Variants in PTPRT observed in about 807,000 individuals in gnomAD.
PTPRT encodes receptor-type tyrosine-protein phosphatase T.
In PTPRT, 56 loss-of-function variants were observed where a neutral mutation model predicts 176.8. That is an observed-to-expected ratio of 0.32 (90% CI 0.26 to 0.40). The LOEUF (loss-of-function observed/expected upper bound fraction) is 0.40, where lower values mean the gene tolerates loss of function less well. Among genes scored for constraint, PTPRT ranks in the 10% least tolerant of loss-of-function variants. The pLI, the probability that PTPRT is intolerant of heterozygous loss-of-function variation, is 1.00. For missense variants in PTPRT, 1,540 were observed against 1,908.2 expected (o/e 0.81, Z 3.60); for synonymous variants, 783 against 739.0 (o/e 1.06, Z -0.96).
chr20:42,243,828 A>G (rs2056401374), intron 14 of PTPRT, among the ~76,000 whole-genome samples: 1 of 152,242 alleles, frequency 6.6e-6, no homozygotes, highest in Non-Finnish European at 1.5e-5. Flanking sequence ...TCTTCTTTTC[A>G]AACAAGCAAC....
At chr20:42,267,425 A>T (rs2056857544) in intron 13 of PTPRT, among the ~76,000 whole-genome samples, 1 of 152,248 alleles carries the variant, frequency 6.6e-6, no homozygotes, top group Non-Finnish European at 1.5e-5. Context: ...TGAGTTAGAT[A>T]CATTATATTA....
At chr20:42,758,894 G>A (rs77958459) in intron 5 of PTPRT, among the ~76,000 whole-genome samples, 89 of 152,302 alleles carry the variant, frequency 5.8e-4, no homozygotes, top group African/African-American at 1.9e-3. Context: ...TCACTTGGGC[G>A]GAAACTGCCA....
chr20:42,858,180 A>G (rs547287901), intron 2 of PTPRT, among the ~76,000 whole-genome samples: 45 of 152,226 alleles, frequency 3.0e-4, no homozygotes, highest in Non-Finnish European at 5.6e-4. Flanking sequence ...CCATGGTAAC[A>G]CTTGTTAAAA....
chr20:42,939,547 C>G (rs1421577956), intron 1 of PTPRT, among the ~76,000 whole-genome samples: 1 of 152,166 alleles, frequency 6.6e-6, no homozygotes, highest in African/African-American at 2.4e-5. Context: ...TGTTGAGACA[C>G]TGTTTTTTCG....
At chr20:42,469,025 G>A (rs771489777) in intron 8 of PTPRT, among the ~76,000 whole-genome samples, 6 of 152,016 alleles carry the variant, frequency 3.9e-5, no homozygotes, top group Non-Finnish European at 5.9e-5. Context: ...TTTCCTAGGG[G>A]AGCTGGGAAG....
At chr20:42,761,061 T>C (rs1186213324) in intron 5 of PTPRT, among the ~76,000 whole-genome samples, 2 of 152,178 alleles carry the variant, frequency 1.3e-5, no homozygotes, top group Non-Finnish European at 2.9e-5. Flanking sequence ...GAAATGCTCT[T>C]AGAAAAATCT....
intron 16 of PTPRT, among the ~76,000 whole-genome samples, chr20:42,169,391 G>C (rs1989975252): frequency 6.6e-6 from 1 of 152,106 alleles, no homozygotes; most frequent in African/African-American, 2.4e-5. Flanking sequence ...ACTCACACCA[G>C]ATGGAAGGAT....
In PTPRT at chr20:42,080,827, G is replaced by C; in HGVS notation, c.*52C>G. ...CAGTTACTGCCATTCACACAAAAGG[G>C]GGCTTGGTCACAGCAGCCTCTGGAC... On this transcript the variant is annotated 3_prime_UTR_variant, in exon 31 of 31. Transcript: ENST00000373187. 1 of 1,545,644 alleles carries C rather than the reference G, an allele frequency of 6.5e-7. No homozygotes were observed. The highest frequency in any genetic ancestry group is 1.7e-5 in the Admixed American group (1 of 59,756).
At chr20:42,296,971 C>A (rs1210828757) in intron 12 of PTPRT, among the ~76,000 whole-genome samples, 1 of 151,538 alleles carries the variant, frequency 6.6e-6, no homozygotes, top group Non-Finnish European at 1.5e-5. Flanking sequence ...CTACTATGTA[C>A]CCTCAAAAAT....
At chr20:42,893,163 T>A (rs1026730881) in intron 1 of PTPRT, among the ~76,000 whole-genome samples, 2 of 151,910 alleles carry the variant, frequency 1.3e-5, no homozygotes, top group Non-Finnish European at 2.9e-5. Flanking sequence ...CAAACAAATT[T>A]ACAAGAAAAA....
At chr20:42,593,873 T>C (rs1281083636) in intron 7 of PTPRT, among the ~76,000 whole-genome samples, 1 of 152,138 alleles carries the variant, frequency 6.6e-6, no homozygotes, top group African/African-American at 2.4e-5. Flanking sequence ...GGAGAAAATA[T>C]TGGGAGGAGA....
chr20:42,769,535 G>A (rs139037220), intron 5 of PTPRT, among the ~76,000 whole-genome samples: 53 of 152,214 alleles, frequency 3.5e-4, no homozygotes, highest in African/African-American at 1.2e-3. Flanking sequence ...AATGTAAAAT[G>A]GTACAACCAT....
intron 13 of PTPRT, among the ~76,000 whole-genome samples, chr20:42,249,609 A>C (rs2056516175): frequency 6.6e-6 from 1 of 152,222 alleles, no homozygotes; most frequent in African/African-American, 2.4e-5. Context: ...GAGAAAACCA[A>C]GGGAAGTTGC....
Position 42,118,493 on chromosome 20 carries a change from C to T in PTPRT, c.2892G>A (p.Met964Ile). Residue 964 changes from methionine to isoleucine, a missense_variant, in exon 21 of 31, where the codon ATG becomes ATA. Physicochemically the swap from Met to Ile is conservative, Grantham distance 10 (BLOSUM62 1). Transcript: ENST00000373187. ...TCCAAAAGTCCTTTACAGTCTCCTGCATCGGACCTGCCAACAGAGAAGACA... is the reference window on the plus strand; with the variant it reads ...TCCAAAAGTCCTTTACAGTCTCCTGTATCGGACCTGCCAACAGAGAAGACA... ...PRHYIATQGPMQETVKDFWRM... is the reference protein window; with the variant it reads ...PRHYIATQGPIQETVKDFWRM... 6.2e-7 allele frequency: 1 copy of T among 1,608,140 alleles called. No homozygotes were observed. Among genetic ancestry groups the T allele is most frequent in the African/African-American group, 1.3e-5 (1 of 74,836 alleles).
intron 6 of PTPRT, among the ~76,000 whole-genome samples, chr20:42,729,086 C>T (rs2076422522): frequency 6.6e-6 from 1 of 151,892 alleles, no homozygotes; most frequent in African/African-American, 2.4e-5. Flanking sequence ...AAAAAAGGAG[C>T]AAAACAACAA....
chr20:42,457,010 TAAGTC>T (rs1464482608), intron 8 of PTPRT, among the ~76,000 whole-genome samples: 3 of 152,156 alleles, frequency 2.0e-5, no homozygotes, highest in African/African-American at 4.8e-5. Flanking sequence ...TGCTTTTCCT[TAAGTC>T]AAGTTTTTTA....
At chr20:42,159,554 C>A (rs879458747) in intron 17 of PTPRT, among the ~76,000 whole-genome samples, 1 of 152,018 alleles carries the variant, frequency 6.6e-6, no homozygotes, top group Non-Finnish European at 1.5e-5. Flanking sequence ...GAGACTGGGA[C>A]CATTCAACCC....
At chr20:42,561,921 C>T (rs2072958821) in intron 7 of PTPRT, among the ~76,000 whole-genome samples, 1 of 152,144 alleles carries the variant, frequency 6.6e-6, no homozygotes, top group African/African-American at 2.4e-5. Context: ...AGGGATGGAA[C>T]CTAGAGCTAG....
At chr20:42,719,997 G>T (rs140983384) in intron 6 of PTPRT, among the ~76,000 whole-genome samples, 3 of 152,188 alleles carry the variant, frequency 2.0e-5, no homozygotes, top group Admixed American at 2.0e-4. Flanking sequence ...CCCTAGGTGT[G>T]GGACAATCGG....
Sources: allele counts gnomAD v4.1 joint callset (sites outside exome capture counted in the v4.1 genomes callset), GRCh38; gene constraint gnomAD v4.1.1; transcripts MANE v1.5; gene names NCBI Gene and HGNC (gene_info 2026-07-23, HGNC 2026-07-21).